The following ZFAND3 variants were observed in gnomAD, a reference collection of about 807,000 sequenced individuals.
The protein encoded by ZFAND3 is AN1-type zinc finger protein 3.
In ZFAND3, 10 loss-of-function variants were observed where a neutral mutation model predicts 29.6. That is an observed-to-expected ratio of 0.34 (90% CI 0.21 to 0.57). The LOEUF (loss-of-function observed/expected upper bound fraction) is 0.57. Ranked by LOEUF, ZFAND3 falls within the 20% of genes least tolerant of loss-of-function variation. ZFAND3 has a pLI of 0.86. For missense variants in ZFAND3, 230 were observed against 304.5 expected (o/e 0.76, Z 1.82); for synonymous variants, 128 against 112.6 (o/e 1.14, Z -0.87).
intron 2 of ZFAND3, among the ~76,000 whole-genome samples, chr6:37,947,898 C>G (rs1286267563): frequency 2.0e-5 from 3 of 152,064 alleles, no homozygotes; most frequent in Non-Finnish European, 4.4e-5. Flanking sequence ...TTAGTATTTC[C>G]TTTCTTTTTT....
intron 4 of ZFAND3, among the ~76,000 whole-genome samples, chr6:38,100,926 G>A (rs570302264): frequency 3.3e-5 from 5 of 152,026 alleles, no homozygotes; most frequent in African/African-American, 9.7e-5. Flanking sequence ...TGAGTAAATC[G>A]CAGACATGAC....
At chr6:37,871,879 C>T (rs910912581) in intron 1 of ZFAND3, among the ~76,000 whole-genome samples, 1 of 152,196 alleles carries the variant, frequency 6.6e-6, no homozygotes, top group Non-Finnish European at 1.5e-5. Context: ...AGGCATTTCA[C>T]TTGAATGGTC....
chr6:37,995,314 TAGA>T (rs1464539994), intron 2 of ZFAND3, among the ~76,000 whole-genome samples: 2 of 152,324 alleles, frequency 1.3e-5, no homozygotes, highest in East Asian at 3.9e-4. Context: ...GCAAGCATTT[TAGA>T]AGAACTTAAC....
intron 4 of ZFAND3, among the ~76,000 whole-genome samples, chr6:38,103,426 C>CAT (rs55681522): frequency 2.6e-4 from 35 of 133,240 alleles, no homozygotes; most frequent in African/African-American, 8.8e-4. Flanking sequence ...TATACACACA[C>CAT]ATATATATAC....
At chr6:38,087,430 A>C (rs1764778052) in intron 4 of ZFAND3, among the ~76,000 whole-genome samples, 1 of 152,246 alleles carries the variant, frequency 6.6e-6, no homozygotes, top group Non-Finnish European at 1.5e-5. Flanking sequence ...AATATTTGCA[A>C]ACTACTCATC....
chr6:37,895,111 C>CTGAA (rs1201501797), intron 1 of ZFAND3, among the ~76,000 whole-genome samples: 1 of 152,070 alleles, frequency 6.6e-6, no homozygotes, highest in African/African-American at 2.4e-5. Context: ...CTCCCTTCTA[C>CTGAA]CTCTTCATAG....
intron 2 of ZFAND3, among the ~76,000 whole-genome samples, chr6:37,985,525 ACACCCC>A (rs1304665887): frequency 2.0e-5 from 3 of 147,792 alleles, no homozygotes; most frequent in African/African-American, 7.6e-5. Flanking sequence ...ACACACACAC[ACACCCC>A]CACACACGCC....
chr6:38,050,178 C>G (rs552660828), intron 2 of ZFAND3, among the ~76,000 whole-genome samples: 22 of 152,014 alleles, frequency 1.4e-4, no homozygotes, highest in African/African-American at 5.1e-4. Context: ...TGGTCTTAAA[C>G]TCCTGACCTC....
intron 1 of ZFAND3, among the ~76,000 whole-genome samples, chr6:37,853,412 G>GAAAAAAAAA (rs56738009): frequency 1.7e-4 from 11 of 65,874 alleles, no homozygotes; most frequent in African/African-American, 5.0e-4. Flanking sequence ...TGAGCCTCAA[G>GAAAAAAAAA]AAAAAAAAAA....
chr6:38,150,933 G>A (rs756352643), intron 5 of ZFAND3, among the ~76,000 whole-genome samples: 10 of 152,152 alleles, frequency 6.6e-5, no homozygotes, highest in Non-Finnish European at 1.3e-4. Flanking sequence ...CCAGGCCCAC[G>A]GGGCCTGGAG....
chr6:37,905,529 C>T (rs771874789), intron 1 of ZFAND3, among the ~76,000 whole-genome samples: 20 of 152,058 alleles, frequency 1.3e-4, no homozygotes, highest in Non-Finnish European at 2.5e-4. Context: ...TAACATGTGT[C>T]ATACTAAAGA....
intron 1 of ZFAND3, among the ~76,000 whole-genome samples, chr6:37,872,806 G>T (rs1184183679): frequency 6.6e-6 from 1 of 152,168 alleles, no homozygotes; most frequent in Non-Finnish European, 1.5e-5. Flanking sequence ...CTTTCAGTCT[G>T]GAGCTATTCC....
intron 1 of ZFAND3, among the ~76,000 whole-genome samples, chr6:37,885,469 C>A (rs1258175477): frequency 1.3e-5 from 2 of 152,030 alleles, no homozygotes; most frequent in South Asian, 2.1e-4. Flanking sequence ...CATGGTGAAA[C>A]CCCGTTTCTT....
intron 1 of ZFAND3, among the ~76,000 whole-genome samples, chr6:37,863,110 G>C (rs1484894116): frequency 6.6e-6 from 1 of 152,122 alleles, no homozygotes; most frequent in Non-Finnish European, 1.5e-5. Context: ...TGATTCCTGC[G>C]CTGACACTTT....
intron 2 of ZFAND3, among the ~76,000 whole-genome samples, chr6:38,029,868 G>A (rs949535928): frequency 2.0e-5 from 3 of 151,870 alleles, no homozygotes; most frequent in Non-Finnish European, 4.4e-5. Flanking sequence ...TACTATGTTT[G>A]TTTTAAGCTT....
chr6:37,902,990 C>T (rs1444987495), intron 1 of ZFAND3, among the ~76,000 whole-genome samples: 1 of 151,982 alleles, frequency 6.6e-6, no homozygotes, highest in Non-Finnish European at 1.5e-5. Context: ...TAACATAAAG[C>T]TGGAAAATTG....
intron 1 of ZFAND3, among the ~76,000 whole-genome samples, chr6:37,893,254 G>A (rs1389314412): frequency 6.6e-6 from 1 of 152,162 alleles, no homozygotes; most frequent in Admixed American, 6.5e-5. Flanking sequence ...GACTAAGTGA[G>A]ATAATCTCAG....
intron 1 of ZFAND3, among the ~76,000 whole-genome samples, chr6:37,882,865 C>A (rs183026346): frequency 6.6e-6 from 1 of 152,296 alleles, no homozygotes; most frequent in East Asian, 1.9e-4. Flanking sequence ...TTTTCTCTTG[C>A]TCAGGACATT....
chr6:37,872,336 T>C (rs1764709760), intron 1 of ZFAND3, among the ~76,000 whole-genome samples: 1 of 152,234 alleles, frequency 6.6e-6, no homozygotes, highest in African/African-American at 2.4e-5. Context: ...TGTCCAGAGT[T>C]TATGGTTTTT....
Sources: allele counts gnomAD v4.1 joint callset (sites outside exome capture counted in the v4.1 genomes callset), GRCh38; gene constraint gnomAD v4.1.1; transcripts MANE v1.5; gene names NCBI Gene and HGNC (gene_info 2026-07-23, HGNC 2026-07-21).